The following PLEKHA8 variants were observed in gnomAD, a reference collection of about 807,000 sequenced individuals.
PLEKHA8 encodes pleckstrin homology domain-containing family A member 8.
In PLEKHA8, 36 loss-of-function variants were observed where a neutral mutation model predicts 68.2. That is an observed-to-expected ratio of 0.53 (90% CI 0.40 to 0.70). The LOEUF is 0.70. Among genes scored for constraint, PLEKHA8 ranks in the 30% least tolerant of loss-of-function variants. The pLI is 0.00. For missense variants in PLEKHA8, 505 were observed against 615.4 expected (o/e 0.82, Z 1.90); for synonymous variants, 211 against 216.1 (o/e 0.98, Z 0.20).
intron 13 of PLEKHA8, among the ~76,000 whole-genome samples, chr7:30,115,637 C>T (rs1287057186): frequency 6.6e-6 from 1 of 150,830 alleles, no homozygotes; most frequent in African/African-American, 2.5e-5. Context: ...TGTACACATA[C>T]ATGCACACAT....
chr7:30,062,845 T>A, intron 12 of PLEKHA8, 103 bp downstream of exon 12: 1 of 824,372 alleles, frequency 1.2e-6, no homozygotes, highest in Non-Finnish European at 1.9e-6. Flanking sequence ...TTTCAGAATT[T>A]GATTTTGTTT....
intron 13 of PLEKHA8, among the ~76,000 whole-genome samples, chr7:30,077,418 A>G (rs1794674153): frequency 6.6e-6 from 1 of 151,916 alleles, no homozygotes; most frequent in Non-Finnish European, 1.5e-5. Flanking sequence ...CAGTTTTCCC[A>G]CTCGCTTGTA....
chr7:30,107,506 G>C, intron 13 of PLEKHA8, among the ~76,000 whole-genome samples: 1 of 151,750 alleles, frequency 6.6e-6, no homozygotes. Flanking sequence ...TTTGTATTTC[G>C]TATTTTTTAC....
rs962911017 is a variant in PLEKHA8, at chr7:30,116,066, G to A, written c.1363-13200G>A. 10 of 138,084 alleles carry A rather than the reference G, an allele frequency of 7.2e-5. 1 individual carries two copies. Among genetic ancestry groups the A allele is most frequent in the Non-Finnish European group, 1.1e-4 (7 of 63,618 alleles). 8.6% of individuals were successfully genotyped at this position (138,084 alleles called of 1,614,324 possible). A position where few individuals can be genotyped will look rare whatever the true frequency, so the allele number is the denominator to read the frequency against. ...CATACGCATACATACGTATGCATAC[G>A]TATACATGTATACATACGCATACAT... On this transcript the variant is annotated intron_variant, in intron 13 of 13. Coordinates refer to the PLEKHA8 transcript ENST00000396257.
downstream of PLEKHA8, among the ~76,000 whole-genome samples, chr7:30,089,336 GC>G (rs377128574): frequency 6.6e-5 from 5 of 76,170 alleles, no homozygotes; most frequent in African/African-American, 1.1e-4. Context: ...CAAGAAGCCC[GC>G]CCCCCCACTC....
Position 30,082,949 on chromosome 7 carries a change from A to T in PLEKHA8, c.*4162A>T. 1 of 985,424 alleles carries T rather than the reference A, an allele frequency of 1.0e-6. No homozygotes were observed. Among genetic ancestry groups the T allele is most frequent in the Non-Finnish European group, 1.2e-6 (1 of 829,920 alleles). 61.0% of individuals were successfully genotyped at this position (985,424 alleles called of 1,614,324 possible). Reference sequence around the variant, plus strand: ...TGGTTATATAATGGTGCGTCTCTGAATCACTGATTAAAACCAGTTGCTTCT... The same window carrying T: ...TGGTTATATAATGGTGCGTCTCTGATTCACTGATTAAAACCAGTTGCTTCT... On this transcript the variant is annotated 3_prime_UTR_variant, in exon 14 of 14. Transcript: ENST00000449726.
chr7:30,051,195 C>T (rs978874699), intron 6 of PLEKHA8, among the ~76,000 whole-genome samples: 2 of 152,138 alleles, frequency 1.3e-5, no homozygotes, highest in African/African-American at 2.4e-5. Flanking sequence ...CCACTGTGCC[C>T]GGCCTCAAAT....
chr7:30,046,144 G>T, intron 2 of PLEKHA8, 66 bp from the exon 3 acceptor site: 1 of 1,407,198 alleles, frequency 7.1e-7, no homozygotes, highest in Non-Finnish European at 9.4e-7. Context: ...CAAGAAGTTG[G>T]GTGGGTTGGA....
At chr7:30,088,367 T>A (rs1193128070), downstream of PLEKHA8, among the ~76,000 whole-genome samples, 1 of 152,108 alleles carries the variant, frequency 6.6e-6, no homozygotes, top group Non-Finnish European at 1.5e-5. Flanking sequence ...CGGGAAGGAC[T>A]CAAAAAACAA....
chr7:30,028,633 C>A lies in PLEKHA8; in HGVS notation c.-130C>A. 1 of 665,816 alleles carries A rather than the reference C, an allele frequency of 1.5e-6. No individual in the cohort carries two copies. The highest frequency in any genetic ancestry group is 2.1e-6 in the Non-Finnish European group (1 of 471,666). The allele number at this position is 665,816 out of a possible 1,614,324, so 41.2% of individuals were successfully genotyped here. On this transcript the variant is annotated 5_prime_UTR_variant, in exon 1 of 14. Transcript: ENST00000449726. ...GTGAGGCGGGCCGGGCGTCCCCACA[C>A]CGGGCCCGGGCGCCGGGAGTGGGCG...
chr7:30,109,136 C>T (rs914554929), intron 13 of PLEKHA8, among the ~76,000 whole-genome samples: 21 of 152,132 alleles, frequency 1.4e-4, no homozygotes, highest in Non-Finnish European at 1.8e-4. Context: ...CTTTCTCTCT[C>T]TCTATAAAGT....
At chr7:30,090,248 A>G in exon 13 of PLEKHA8, 2 of 1,528,842 alleles carry the variant, frequency 1.3e-6, no homozygotes, top group Non-Finnish European at 1.8e-6. Context: ...TCAGGCAGAA[A>G]AAGCAAGTCA....
intron 1 of PLEKHA8, among the ~76,000 whole-genome samples, chr7:30,030,435 G>C (rs924135665): frequency 2.0e-5 from 3 of 152,148 alleles, no homozygotes; most frequent in Non-Finnish European, 2.9e-5. Flanking sequence ...CAATAAAGCA[G>C]AACTCTCTAG....
At chr7:30,031,381 C>T (rs934988948) in intron 1 of PLEKHA8, among the ~76,000 whole-genome samples, 2 of 152,050 alleles carry the variant, frequency 1.3e-5, no homozygotes, top group East Asian at 1.9e-4. Context: ...GTTAATAGTT[C>T]GCTGGAGAGG....
chr7:30,070,962 G>C (rs1412843160), intron 12 of PLEKHA8, among the ~76,000 whole-genome samples: 1 of 152,144 alleles, frequency 6.6e-6, no homozygotes, highest in Non-Finnish European at 1.5e-5. Context: ...ATTTCAACTT[G>C]TTATTTCCCT....
chr7:30,075,738 G>A (rs1490263853), intron 13 of PLEKHA8, among the ~76,000 whole-genome samples: 1 of 152,136 alleles, frequency 6.6e-6, no homozygotes, highest in Non-Finnish European at 1.5e-5. Flanking sequence ...GAAGGGTTCA[G>A]TATAGAATGC....
At chr7:30,053,512 G>A (rs1421173380) in intron 7 of PLEKHA8, among the ~76,000 whole-genome samples, 1 of 152,220 alleles carries the variant, frequency 6.6e-6, no homozygotes, top group African/African-American at 2.4e-5. Context: ...TTGGGGAGCA[G>A]TGTGGGAGTT....
Position 30,079,418 on chromosome 7 carries a change from A to C in PLEKHA8, c.*631A>C. 1 of 985,736 alleles carries C rather than the reference A, an allele frequency of 1.0e-6. No individual in the cohort carries two copies. Among genetic ancestry groups the C allele is most frequent in the Non-Finnish European group, 1.2e-6 (1 of 830,214 alleles). The allele number at this position is 985,736 out of a possible 1,614,324, so 61.1% of individuals were successfully genotyped here. A position where few individuals can be genotyped will look rare whatever the true frequency, so the allele number is the denominator to read the frequency against. The stretch of plus-strand genomic sequence containing the variant: ...TGACAGGCATGAAACCGTTGCTCTG[A>C]GAAGATTAATGGTGTGCCCTAGCCC... On this transcript the variant is annotated 3_prime_UTR_variant, in exon 14 of 14. Coordinates refer to ENST00000449726, the MANE Select transcript of PLEKHA8 (RefSeq NM_001197026.2).
In PLEKHA8 at chr7:30,054,778, C is replaced by A; in HGVS notation, c.866C>A (p.Ser289Tyr). The A allele has an allele frequency of 5.0e-6, 8 of 1,609,486 alleles. No homozygotes were observed. Among genetic ancestry groups the A allele is most frequent in the Non-Finnish European group, 6.8e-6 (8 of 1,176,706 alleles). Residue 289 changes from serine to tyrosine, a missense_variant, in exon 8 of 14, where the codon TCT becomes TAT. By Grantham distance (144) the Ser-to-Tyr change is moderately radical (BLOSUM62 -2). Coordinates refer to ENST00000449726, the MANE Select transcript of PLEKHA8 (RefSeq NM_001197026.2). ...LKNHDNNLTQ[S>Y]GSDSSCSPEC... ...AATCATGACAATAACTTGACTCAGT[C>A]TGGATCAGACTCAAGTTGCTCTCCG... is the stretch of plus-strand genomic sequence containing the variant.
Sources: allele counts gnomAD v4.1 joint callset (sites outside exome capture counted in the v4.1 genomes callset), GRCh38; gene constraint gnomAD v4.1.1; transcripts MANE v1.5; gene names NCBI Gene and HGNC (gene_info 2026-07-23, HGNC 2026-07-21).